The following SKAP1 variants were observed in gnomAD, a reference collection of about 807,000 sequenced individuals.
SKAP1 encodes the protein src kinase associated phosphoprotein 1, also known as src kinase-associated phosphoprotein 1.
Under a neutral mutation model 58.5 loss-of-function variants are expected in SKAP1, and 44 were observed. That is an observed-to-expected ratio of 0.75 (90% CI 0.59 to 0.97). SKAP1 has a LOEUF of 0.97. Among genes scored for constraint, SKAP1 ranks in the 50% least tolerant of loss-of-function variants. The probability of loss-of-function intolerance (pLI) is 0.00; values close to 1 mark genes in which losing one functional copy is unlikely to be tolerated. For synonymous variants in SKAP1, 127 were observed against 149.7 expected (o/e 0.85, Z 1.11); for missense variants, 390 against 435.2 (o/e 0.90, Z 0.92).
chr17:48,348,445 T>A (rs530449098), intron 3 of SKAP1, among the ~76,000 whole-genome samples: 2 of 152,064 alleles, frequency 1.3e-5, no homozygotes, highest in South Asian at 2.1e-4. Context: ...CTTTTTTTTT[T>A]AGTGAACTTT....
chr17:48,379,665 T>C (rs2067190641), intron 2 of SKAP1, among the ~76,000 whole-genome samples: 3 of 151,410 alleles, frequency 2.0e-5, no homozygotes, highest in African/African-American at 7.3e-5. Flanking sequence ...AAAGATTCTA[T>C]ACTAAAGTAT....
chr17:48,378,354 T>C (rs1015532691), intron 2 of SKAP1, among the ~76,000 whole-genome samples: 3 of 152,170 alleles, frequency 2.0e-5, no homozygotes, highest in Admixed American at 6.5e-5. Flanking sequence ...TCCTCATCTT[T>C]AAAACAGAAA....
chr17:48,140,766 C>G (rs1417219774), intron 11 of SKAP1, among the ~76,000 whole-genome samples: 1 of 138,198 alleles, frequency 7.2e-6, no homozygotes, highest in East Asian at 2.3e-4. Context: ...CTTCTTTCTT[C>G]TTCTTCTTCT....
intron 2 of SKAP1, among the ~76,000 whole-genome samples, chr17:48,371,384 A>G (rs573160899): frequency 2.6e-4 from 39 of 152,282 alleles, no homozygotes; most frequent in African/African-American, 9.4e-4. Context: ...GGGAGAGAAT[A>G]TCAGATTCTT....
At chr17:48,164,085 T>C (rs960621625) in intron 10 of SKAP1, among the ~76,000 whole-genome samples, 1 of 152,224 alleles carries the variant, frequency 6.6e-6, no homozygotes, top group African/African-American at 2.4e-5. Context: ...AAAAATACTT[T>C]GGGAGAAATA....
intron 4 of SKAP1, among the ~76,000 whole-genome samples, chr17:48,302,407 C>T (rs561222592): frequency 7.7e-4 from 117 of 152,132 alleles, no homozygotes; most frequent in African/African-American, 2.5e-3. Context: ...TTTTGTACTA[C>T]TATGTTGCTC....
At chr17:48,401,427 A>G (rs1455634051) in intron 1 of SKAP1, among the ~76,000 whole-genome samples, 1 of 152,228 alleles carries the variant, frequency 6.6e-6, no homozygotes, top group Non-Finnish European at 1.5e-5. Flanking sequence ...ATAAGGACAG[A>G]GATAAAGTTC....
intron 4 of SKAP1, among the ~76,000 whole-genome samples, chr17:48,337,758 C>T (rs992617028): frequency 2.6e-5 from 4 of 152,144 alleles, no homozygotes; most frequent in Non-Finnish European, 4.4e-5. Context: ...AAGAGAGACA[C>T]ATGTGTCTGA....
At position 48,145,655 on chromosome 17, in the gene SKAP1, TG is replaced by T. The variant is rs1234101120; in HGVS notation, c.979-8319del. On this transcript the variant is annotated intron_variant, in intron 11 of 12. Coordinates refer to ENST00000336915, the MANE Select transcript of SKAP1 (RefSeq NM_003726.4). ...CCTGTCAGTAGGTGTCAGGGGATAT[TG>T]GGGGAAAACCAGCAGGCGCCTATCA... Among the ~76,000 whole-genome samples, 5 of 152,158 alleles carry T rather than the reference TG, an allele frequency of 3.3e-5. No homozygotes were observed. The East Asian group carries it at 9.7e-4, about 29-fold the overall frequency.
intron 11 of SKAP1, among the ~76,000 whole-genome samples, chr17:48,154,025 G>C (rs1447964804): frequency 3.3e-5 from 5 of 152,070 alleles, no homozygotes; most frequent in Non-Finnish European, 5.9e-5. Context: ...GCTGCATTAA[G>C]ATAATTTTTA....
At chr17:48,219,017 C>T (rs1017593088) in intron 4 of SKAP1, among the ~76,000 whole-genome samples, 6 of 152,092 alleles carry the variant, frequency 3.9e-5, no homozygotes, top group Admixed American at 2.0e-4. Flanking sequence ...AAAAATATAA[C>T]AACCTAATTT....
At chr17:48,205,013 C>G (rs149054919) in intron 4 of SKAP1, among the ~76,000 whole-genome samples, 8 of 76,070 alleles carry the variant, frequency 1.1e-4, no homozygotes, top group South Asian at 7.2e-4. Context: ...TTCTTTCTTT[C>G]TTTTTCTTTC....
At chr17:48,302,720 G>A (rs2066077378) in intron 4 of SKAP1, among the ~76,000 whole-genome samples, 1 of 152,180 alleles carries the variant, frequency 6.6e-6, no homozygotes, top group Non-Finnish European at 1.5e-5. Flanking sequence ...AGTTTCTGTG[G>A]TGCATTCTAA....
At chr17:48,436,407 T>A in the SKAP1 span, among the ~76,000 whole-genome samples, 12 of 152,146 alleles carry the variant, frequency 7.9e-5, no homozygotes, top group Non-Finnish European at 1.6e-4. Context: ...TAAATATCCC[T>A]GGACTCCCAT....
At chr17:48,408,338 G>GT (rs1362164283) in intron 1 of SKAP1, among the ~76,000 whole-genome samples, 5 of 152,106 alleles carry the variant, frequency 3.3e-5, no homozygotes, top group Non-Finnish European at 7.4e-5. Context: ...TTGCCGAAAT[G>GT]TTTTTTATTT....
At chr17:48,406,389 T>A (rs76591488) in intron 1 of SKAP1, among the ~76,000 whole-genome samples, 1 of 151,650 alleles carries the variant, frequency 6.6e-6, no homozygotes, top group African/African-American at 2.4e-5. Flanking sequence ...CTTAAAAATT[T>A]AAAATTAGAA....
intron 4 of SKAP1, among the ~76,000 whole-genome samples, chr17:48,283,816 G>T (rs973429870): frequency 1.6e-4 from 25 of 152,276 alleles, no homozygotes; most frequent in Admixed American, 2.6e-4. Flanking sequence ...TACCTAGCTA[G>T]TTCCCCAGGG....
At chr17:48,273,935 T>C (rs1190993009) in intron 4 of SKAP1, among the ~76,000 whole-genome samples, 1 of 151,996 alleles carries the variant, frequency 6.6e-6, no homozygotes, top group Non-Finnish European at 1.5e-5. Flanking sequence ...ACGTTTACTT[T>C]TAGAGATGGG....
chr17:48,223,850 A>G (rs2065032389), intron 4 of SKAP1, among the ~76,000 whole-genome samples: 1 of 152,092 alleles, frequency 6.6e-6, no homozygotes, highest in African/African-American at 2.4e-5. Flanking sequence ...TGTGAGAAGT[A>G]TGAGAGGAAA....
Sources: allele counts gnomAD v4.1 joint callset (sites outside exome capture counted in the v4.1 genomes callset), GRCh38; gene constraint gnomAD v4.1.1; transcripts MANE v1.5; gene names NCBI Gene and HGNC (gene_info 2026-07-23, HGNC 2026-07-21).